Variants in PRDM16 observed in about 807,000 individuals in gnomAD.
The protein encoded by PRDM16 is PR/SET domain 16.
A neutral mutation model predicts 110.6 loss-of-function variants in PRDM16; 23 were observed. That is an observed-to-expected ratio of 0.21 (90% CI 0.15 to 0.29). PRDM16 has a LOEUF of 0.29. Among genes scored for constraint, PRDM16 ranks in the 10% least tolerant of loss-of-function variants. The pLI is 1.00. For synonymous variants in PRDM16, 799 were observed against 781.8 expected, an observed-to-expected ratio of 1.02 and a Z score of -0.37; for missense variants, 1,615 against 1,794.3, an observed-to-expected ratio of 0.90 and a Z score of 1.81.
chr1:3,194,869 C>G (rs1638425043), intron 2 of PRDM16, among the ~76,000 whole-genome samples: 1 of 152,248 alleles, frequency 6.6e-6, no homozygotes, highest in Admixed American at 6.5e-5. Flanking sequence ...ACACCACCCC[C>G]ACGGTTGAGT....
chr1:3,313,938 G>T (rs1641529977), intron 3 of PRDM16, among the ~76,000 whole-genome samples: 1 of 152,208 alleles, frequency 6.6e-6, no homozygotes, highest in African/African-American at 2.4e-5. Flanking sequence ...GCCGATTGTG[G>T]GGAAAACATC....
intron 3 of PRDM16, among the ~76,000 whole-genome samples, chr1:3,346,162 A>G (rs1642359009): frequency 6.6e-6 from 1 of 152,262 alleles, no homozygotes; most frequent in Non-Finnish European, 1.5e-5. Context: ...TAATTTAAAA[A>G]TAATTGAATG....
intron 3 of PRDM16, among the ~76,000 whole-genome samples, chr1:3,314,486 C>G (rs1641550791): frequency 6.6e-6 from 1 of 152,092 alleles, no homozygotes; most frequent in African/African-American, 2.4e-5. Flanking sequence ...ACCCTCCCAC[C>G]TTACAAAGTC....
intron 1 of PRDM16, among the ~76,000 whole-genome samples, chr1:3,180,958 TCTTACACACTC>T (rs1644148365): frequency 7.1e-6 from 1 of 140,800 alleles, no homozygotes; most frequent in East Asian, 2.6e-4. Context: ...ACACACGCAG[TCTTACACACTC>T]GGTCTTACAC....
intron 1 of PRDM16, among the ~76,000 whole-genome samples, chr1:3,173,135 C>G (rs1486038804): frequency 1.3e-5 from 2 of 152,202 alleles, no homozygotes; most frequent in Non-Finnish European, 2.9e-5. Context: ...GCCAGGGAGC[C>G]TCGGCTGTGA....
chr1:3,325,984 C>T (rs143610273), intron 3 of PRDM16, among the ~76,000 whole-genome samples: 7 of 147,194 alleles, frequency 4.8e-5, no homozygotes, highest in Non-Finnish European at 7.5e-5. Context: ...TGGCCATCCT[C>T]GACCATCCTT....
chr1:3,328,810 AT>A (rs1557612873), intron 3 of PRDM16, among the ~76,000 whole-genome samples: 1 of 152,124 alleles, frequency 6.6e-6, no homozygotes, highest in Non-Finnish European at 1.5e-5. Context: ...GGTTTGGGCC[AT>A]TGTCCGACCC....
chr1:3,252,637 G>A (rs1639960819), intron 3 of PRDM16, among the ~76,000 whole-genome samples: 2 of 152,116 alleles, frequency 1.3e-5, no homozygotes, highest in Non-Finnish European at 2.9e-5. Context: ...GCAGGGTGGG[G>A]CAGCCAGGTC....
chr1:3,160,162 C>G (rs966238478), intron 1 of PRDM16, among the ~76,000 whole-genome samples: 1 of 152,366 alleles, frequency 6.6e-6, no homozygotes, highest in South Asian at 2.1e-4. Context: ...GCACACAGAG[C>G]TGGGTGGGCC....
chr1:3,135,417 A>G (rs1436759611), intron 1 of PRDM16, among the ~76,000 whole-genome samples: 2 of 152,200 alleles, frequency 1.3e-5, no homozygotes, highest in Admixed American at 1.3e-4. Context: ...CACATTTCTT[A>G]TCTGAGTTAA....
At position 3,414,628 on chromosome 1, in the gene PRDM16, C is replaced by T. The variant is rs573567598; in HGVS notation, c.2672C>T (p.Pro891Leu). The change falls in exon 10 of 17, where the codon CCG (proline) becomes CTG (leucine). Residue 891 changes from proline (P) to leucine (L), a missense_variant. Physicochemically the swap from Pro to Leu is moderately conservative, Grantham distance 98. Transcript: ENST00000270722. ...AAGGAGAAGTACCTGCGGCCGTCCC[C>T]GCTGCTCTTCCACCCCCAGGTACGT... Reference protein sequence around the residue: ...ALKEKYLRPSPLLFHPQMSAI... With the variant: ...ALKEKYLRPSLLLFHPQMSAI... The T allele has an allele frequency of 9.3e-6, 15 of 1,613,162 alleles. No homozygotes were observed. The highest frequency in any genetic ancestry group is 8.3e-5 in the Admixed American group (5 of 59,976).
chr1:3,176,647 C>T (rs558256279), intron 1 of PRDM16, among the ~76,000 whole-genome samples: 5 of 150,126 alleles, frequency 3.3e-5, no homozygotes, highest in African/African-American at 1.2e-4. Flanking sequence ...CCATCTATCC[C>T]CTCATCTATC....
chr1:3,378,125 G>T (rs950097388), intron 3 of PRDM16, among the ~76,000 whole-genome samples: 1 of 152,208 alleles, frequency 6.6e-6, no homozygotes, highest in African/African-American at 2.4e-5. Context: ...GTCCCCACCT[G>T]GTACAGTAAG....
At chr1:3,249,076 C>T (rs956922625) in intron 3 of PRDM16, among the ~76,000 whole-genome samples, 8 of 152,200 alleles carry the variant, frequency 5.3e-5, no homozygotes, top group Admixed American at 3.3e-4. Context: ...CAGGATATAC[C>T]GAGTTCCTGG....
rs139524584 is a variant in PRDM16, at chr1:3,290,900, G to A, written c.438+46763G>A. Among the ~76,000 whole-genome samples, 16 of 152,072 alleles carry A rather than the reference G, an allele frequency of 1.1e-4. No homozygotes were observed. Among genetic ancestry groups the A allele is most frequent in the Non-Finnish European group, 2.2e-4 (15 of 68,000 alleles). On this transcript the variant is annotated intron_variant, in intron 3 of 16. Transcript: ENST00000270722. The surrounding 1 kb of genome is among the most constrained non-coding windows in gnomAD (Gnocchi z 4.8). ...GTATCTTTCAAAGAGTGATGGTTAC[G>A]GAAATTAGTGGTGCAGAAATCCATA...
chr1:3,431,943 CCT>C (rs1557673760), intron 15 of PRDM16, 21 bp from the exon 16 acceptor site: 1 of 1,604,894 alleles, frequency 6.2e-7, no homozygotes, highest in Admixed American at 1.7e-5. Context: ...GCAGGCCTTC[CCT>C]CTCCCCGGTC....
chr1:3,335,602 A>AACGC (rs1642127707), intron 3 of PRDM16, among the ~76,000 whole-genome samples: 1 of 144,326 alleles, frequency 6.9e-6, no homozygotes, highest in African/African-American at 2.6e-5. Flanking sequence ...CTGAGGTTAA[A>AACGC]ACACACACAC....
intron 3 of PRDM16, among the ~76,000 whole-genome samples, chr1:3,338,633 A>AC (rs1213996755): frequency 6.6e-6 from 1 of 151,918 alleles, no homozygotes; most frequent in Non-Finnish European, 1.5e-5. Flanking sequence ...CGGCCTGATA[A>AC]CCCGGGCTCC....
chr1:3,389,867 C>G (rs1196148975), intron 4 of PRDM16, among the ~76,000 whole-genome samples: 1 of 151,826 alleles, frequency 6.6e-6, no homozygotes, highest in Non-Finnish European at 1.5e-5. Flanking sequence ...TCGTGGGGGA[C>G]TTTGACTTGC....
Sources: gnomAD v4.1 joint callset for allele counts (sites outside exome capture counted in the v4.1 genomes callset) on GRCh38, gnomAD v4.1.1 for gene constraint, Gnocchi (gnomAD v3.1) non-coding constraint, MANE v1.5 for transcripts, NCBI Gene and HGNC (gene_info 2026-07-23, HGNC 2026-07-21) for gene names.